The following MCF2L variants were observed in gnomAD, a reference collection of about 807,000 sequenced individuals.
MCF2L encodes the protein MCF.2 cell line derived transforming sequence like.
Under a neutral mutation model 153.4 loss-of-function variants are expected in MCF2L, and 97 were observed. That is an observed-to-expected ratio of 0.63 (90% CI 0.54 to 0.75). MCF2L has a LOEUF of 0.75. MCF2L is among the 30% of genes least tolerant of loss of function. The probability of loss-of-function intolerance (pLI) is 0.00; values close to 1 mark genes in which losing one functional copy is unlikely to be tolerated. For missense variants in MCF2L, 1,347 were observed against 1,495.2 expected (o/e 0.90, Z 1.64); for synonymous variants, 659 against 632.2 (o/e 1.04, Z -0.64).
upstream of MCF2L, chr13:112,968,459 C>A: frequency 6.3e-7 from 1 of 1,587,968 alleles, no homozygotes. Flanking sequence ...TGGCTTGGTG[C>A]CAACCATGGC....
intron 2 of MCF2L, among the ~76,000 whole-genome samples, chr13:112,912,380 A>G (rs979695197): frequency 7.9e-5 from 12 of 151,812 alleles, no homozygotes; most frequent in Non-Finnish European, 1.5e-4. Flanking sequence ...CAGTGGTGCA[A>G]TCTGGGCTCA....
chr13:113,098,011 T>C lies in MCF2L; in HGVS notation c.*1152T>C, dbSNP rs2035778596. On this transcript the variant is annotated 3_prime_UTR_variant, in exon 30 of 30. Transcript: ENST00000535094. ...CAACTTCTTGTGTTTCAGAAACATA[T>C]TCTGTTCAAAACTTTTGAAGCCCTT... 6.6e-6 allele frequency: 1 copy of C among 152,248 alleles called. No homozygotes were observed. The highest frequency in any genetic ancestry group is 2.4e-5 in the African/African-American group (1 of 41,444). The allele number at this position is 152,248 out of a possible 1,614,324, so 9.4% of individuals were successfully genotyped here. A position where few individuals can be genotyped will look rare whatever the true frequency, so the allele number is the denominator to read the frequency against.
intron 2 of MCF2L, among the ~76,000 whole-genome samples, chr13:112,961,625 C>T (rs2081827304): frequency 6.6e-6 from 1 of 152,250 alleles, no homozygotes; most frequent in Non-Finnish European, 1.5e-5. Flanking sequence ...CATGGCCTGG[C>T]CGGGACCTGC....
intron 2 of MCF2L, among the ~76,000 whole-genome samples, chr13:112,911,682 C>T (rs562893853): frequency 2.2e-4 from 33 of 152,364 alleles, no homozygotes; most frequent in African/African-American, 7.7e-4. Context: ...TCCCCGAGGC[C>T]GAGGGCGCGG....
rs2083663155 is a variant in MCF2L at position 113,005,893 on chromosome 13, A to G, written c.80-8870A>G. On this transcript the variant is annotated intron_variant, in intron 1 of 29. Transcript: ENST00000535094. ...AATATAGCTGGAAAAAATAGCCAGA[A>G]GCTGTAAGCTCAGGAAGTGATGAGC... 2.0e-5 allele frequency among the ~76,000 whole-genome samples: 3 copies of G among 152,348 alleles called. No individual in the cohort carries two copies. In the South Asian group the frequency reaches 6.2e-4, roughly 32 times the overall value.
In MCF2L at chr13:112,909,367, A is replaced by G. The variant is rs982540389; in HGVS notation, c.169+6996A>G. ...TACAGACCCGGCCTCCCCGCCCAGC[A>G]TGGGTTGAAGCCAGGCTAAGGCGTT... On this transcript the variant is annotated intron_variant, in intron 2 of 29. Coordinates refer to the MCF2L transcript ENST00000375608. 1.3e-5 allele frequency: 10 copies of G among 773,070 alleles called. No individual in the cohort carries two copies. In the African/African-American group the frequency reaches 1.5e-4, roughly 12 times the overall value. The allele number at this position is 773,070 out of a possible 1,614,324, so 47.9% of individuals were successfully genotyped here.
chr13:113,022,861 C>A (rs377634313), intron 2 of MCF2L, among the ~76,000 whole-genome samples: 1 of 151,900 alleles, frequency 6.6e-6, no homozygotes, highest in East Asian at 1.9e-4. Context: ...TCATTGGGAT[C>A]TGAGGAATTT....
chr13:112,918,679 C>T (rs1421355216), intron 2 of MCF2L, among the ~76,000 whole-genome samples: 1 of 152,216 alleles, frequency 6.6e-6, no homozygotes, highest in Admixed American at 6.5e-5. Context: ...CTGGCATTTC[C>T]TGCTTTTGTC....
intron 7 of MCF2L, chr13:113,065,439 G>A (rs559856410): frequency 2.7e-5 from 8 of 293,194 alleles, no homozygotes; most frequent in Non-Finnish European, 4.5e-5. Context: ...GGGAGCTCCC[G>A]AATAGACATC....
At chr13:112,935,419 G>C (rs1316584553) in intron 2 of MCF2L, among the ~76,000 whole-genome samples, 1 of 152,070 alleles carries the variant, frequency 6.6e-6, no homozygotes, top group African/African-American at 2.4e-5. Flanking sequence ...CACCATGCCT[G>C]GCTAATTTTG....
chr13:112,904,561 C>G lies in MCF2L; in HGVS notation c.169+2190C>G, dbSNP rs1326091104. On this transcript the variant is annotated intron_variant, in intron 2 of 29. Transcript: ENST00000375608. The surrounding 1 kb of genome is among the most constrained non-coding windows in gnomAD (Gnocchi z 4.2). ...CTTCCTCCCCTAACTCGCAAAACCT[C>G]TCTGATCCCTGAGTCCTGGAGGCCC... Among the ~76,000 whole-genome samples the G allele has an allele frequency of 6.6e-6, 1 of 152,258 alleles. No homozygotes were observed. The highest frequency in any genetic ancestry group is 1.5e-5 in the Non-Finnish European group (1 of 68,046).
intron 2 of MCF2L, among the ~76,000 whole-genome samples, chr13:112,944,105 A>G (rs4907473): frequency 0.59 from 77,787 of 131,372 alleles, 21,711 homozygotes; most frequent in Middle Eastern, 0.73. Context: ...ACCATGAGGG[A>G]AGGGTCCCGG....
At chr13:112,931,649 G>A (rs966664456) in intron 2 of MCF2L, among the ~76,000 whole-genome samples, 7 of 152,200 alleles carry the variant, frequency 4.6e-5, no homozygotes, top group African/African-American at 1.4e-4. Context: ...CCAGTGGCCA[G>A]ATCTTGGTTT....
intron 1 of MCF2L, among the ~76,000 whole-genome samples, chr13:112,900,170 T>C (rs1262104987): frequency 6.6e-6 from 1 of 152,218 alleles, no homozygotes; most frequent in Non-Finnish European, 1.5e-5. Flanking sequence ...GCATTTTGCT[T>C]TTGTTTTTTT....
Position 113,085,160 on chromosome 13 carries a change from G to C in MCF2L, c.2229G>C (p.Lys743Asn). ...TGAAGCCAGTGCAGAGGATCACCAAGTACCAGCTGCTGCTCAAGGTGGGCT... is the reference window on the plus strand; with the variant it reads ...TGAAGCCAGTGCAGAGGATCACCAACTACCAGCTGCTGCTCAAGGTGGGCT... ...YLLKPVQRIT[K>N]YQLLLKEMLK... is the part of the protein sequence containing the mutation. Residue 743 changes from lysine (K) to asparagine (N), a missense_variant, in exon 20 of 30, where the codon AAG becomes AAC. Coordinates refer to ENST00000535094, the MANE Select transcript of MCF2L (RefSeq NM_001112732.3). 1 of 1,613,494 alleles carries C rather than the reference G, an allele frequency of 6.2e-7. No individual in the cohort carries two copies. Among genetic ancestry groups the C allele is most frequent in the Non-Finnish European group, 8.5e-7 (1 of 1,179,992 alleles).
intron 1 of MCF2L, among the ~76,000 whole-genome samples, chr13:113,006,522 G>C (rs1295678348): frequency 6.6e-6 from 1 of 152,194 alleles, no homozygotes; most frequent in Non-Finnish European, 1.5e-5. Context: ...GCCATTCCAG[G>C]TGCAGCTGCC....
At chr13:113,023,268 G>A (rs942130444) in intron 2 of MCF2L, among the ~76,000 whole-genome samples, 1 of 152,186 alleles carries the variant, frequency 6.6e-6, no homozygotes, top group Admixed American at 6.5e-5. Flanking sequence ...TGGCCGAAGT[G>A]AGAACAATTG....
Position 113,077,146 on chromosome 13 carries a change from C to A in MCF2L, c.1595C>A (p.Thr532Lys). The A allele has an allele frequency of 1.2e-6, 2 of 1,612,064 alleles. No individual in the cohort carries two copies. Among genetic ancestry groups the A allele is most frequent in the Non-Finnish European group, 1.7e-6 (2 of 1,179,568 alleles). Residue 532 changes from threonine (T) to lysine (K), a missense_variant, in exon 13 of 30, where the codon ACG becomes AAG. Thr to Lys is a moderately conservative substitution (Grantham distance 78, BLOSUM62 -1). Transcript: ENST00000535094. ...ASLKKLAARQTRPVQPVAPRP... is the reference protein window; with the variant it reads ...ASLKKLAARQKRPVQPVAPRP... ...CTGAAGAAGCTGGCGGCCAGGCAGA[C>A]GCGGCCCGTGCAGCCGGTGGCCCCC... is the stretch of plus-strand genomic sequence containing the variant.
intron 2 of MCF2L, among the ~76,000 whole-genome samples, chr13:112,946,460 A>C (rs2081638573): frequency 6.6e-6 from 1 of 152,230 alleles, no homozygotes; most frequent in East Asian, 1.9e-4. Context: ...CATTGTACAA[A>C]TGGGCTGGAA....
Sources: allele counts gnomAD v4.1 joint callset (sites outside exome capture counted in the v4.1 genomes callset), GRCh38; gene constraint gnomAD v4.1.1; non-coding constraint Gnocchi (gnomAD v3.1); transcripts MANE v1.5; gene names NCBI Gene and HGNC (gene_info 2026-07-23, HGNC 2026-07-21).